The following CNTN5 variants were observed in gnomAD, a reference collection of about 807,000 sequenced individuals.
The protein encoded by CNTN5 is contactin 5, also known as contactin-5.
CNTN5 carries 77 observed loss-of-function variants against 129.1 expected under a neutral mutation model. The observed-to-expected ratio is 0.60, with a 90% CI of 0.50 to 0.72. The LOEUF (loss-of-function observed/expected upper bound fraction) is 0.72, where lower values mean the gene tolerates loss of function less well. Among genes scored for constraint, CNTN5 ranks in the 30% least tolerant of loss-of-function variants. The probability of loss-of-function intolerance (pLI) is 0.00; values close to 1 mark genes in which losing one functional copy is unlikely to be tolerated. For synonymous variants in CNTN5, 509 were observed against 465.6 expected (o/e 1.09, Z -1.20); for missense variants, 1,478 against 1,328.8 (o/e 1.11, Z -1.75).
intron 8 of CNTN5, among the ~76,000 whole-genome samples, chr11:99,957,658 C>T (rs1399134150): frequency 1.4e-5 from 2 of 142,590 alleles, no homozygotes; most frequent in Non-Finnish European, 3.2e-5. Flanking sequence ...GTAGTTTGCT[C>T]TGTCATGCAG....
chr11:99,693,919 C>T (rs1054399333), intron 3 of CNTN5, among the ~76,000 whole-genome samples: 4 of 151,798 alleles, frequency 2.6e-5, no homozygotes, highest in Non-Finnish European at 5.9e-5. Flanking sequence ...ATCTAAGATG[C>T]CTAAAAGGCC....
At chr11:99,733,652 A>G (rs1273639395) in intron 3 of CNTN5, among the ~76,000 whole-genome samples, 1 of 152,120 alleles carries the variant, frequency 6.6e-6, no homozygotes, top group African/African-American at 2.4e-5. Context: ...AAGGTGCTGT[A>G]GTTGTATTGA....
intron 4 of CNTN5, among the ~76,000 whole-genome samples, chr11:99,837,508 A>G (rs1260772782): frequency 1.3e-5 from 2 of 152,054 alleles, no homozygotes; most frequent in African/African-American, 2.4e-5. Flanking sequence ...GGAGAGGATA[A>G]AAGATTGTGC....
intron 2 of CNTN5, among the ~76,000 whole-genome samples, chr11:99,388,652 A>G (rs1288619031): frequency 6.6e-6 from 1 of 152,174 alleles, no homozygotes; most frequent in African/African-American, 2.4e-5. Context: ...CACATTGTAA[A>G]CATGTACTTA....
At chr11:100,292,392 A>G (rs1951008023) in intron 18 of CNTN5, among the ~76,000 whole-genome samples, 1 of 152,030 alleles carries the variant, frequency 6.6e-6, no homozygotes, top group Admixed American at 6.6e-5. Context: ...TATCTTCATG[A>G]CCACTTGGTT....
At chr11:100,089,556 G>A (rs1356313556) in intron 13 of CNTN5, among the ~76,000 whole-genome samples, 2 of 151,964 alleles carry the variant, frequency 1.3e-5, no homozygotes, top group Admixed American at 1.3e-4. Flanking sequence ...CCCATTACTG[G>A]GTGAATACCC....
At chr11:99,410,161 T>C (rs546690756) in intron 2 of CNTN5, among the ~76,000 whole-genome samples, 1 of 152,296 alleles carries the variant, frequency 6.6e-6, no homozygotes, top group Admixed American at 6.5e-5. Context: ...TAGTGGTGAA[T>C]TATAGGAAAA....
intron 3 of CNTN5, among the ~76,000 whole-genome samples, chr11:99,575,956 G>A (rs762930289): frequency 3.3e-5 from 5 of 152,154 alleles, no homozygotes; most frequent in Admixed American, 6.5e-5. Flanking sequence ...TAGAGAATCC[G>A]TACTTGGACA....
intron 13 of CNTN5, among the ~76,000 whole-genome samples, chr11:100,164,657 G>C (rs566509055): frequency 1.3e-5 from 2 of 151,734 alleles, no homozygotes; most frequent in South Asian, 4.1e-4. Flanking sequence ...TAACAGAAAA[G>C]ACATGGAATA....
chr11:100,260,423 G>A (rs946634670), intron 17 of CNTN5, among the ~76,000 whole-genome samples: 1 of 152,104 alleles, frequency 6.6e-6, no homozygotes, highest in African/African-American at 2.4e-5. Context: ...GAGAAAGAGG[G>A]ACTCCTCCCT....
intron 3 of CNTN5, among the ~76,000 whole-genome samples, chr11:99,679,615 C>A (rs529087390): frequency 6.6e-6 from 1 of 152,132 alleles, no homozygotes; most frequent in East Asian, 1.9e-4. Flanking sequence ...TTTTTCCTGT[C>A]CCTCTCCCTG....
At chr11:100,090,423 G>GCCTTCCTT (rs1486185274) in intron 13 of CNTN5, among the ~76,000 whole-genome samples, 7 of 144,412 alleles carry the variant, frequency 4.8e-5, no homozygotes, top group Admixed American at 4.8e-4. Flanking sequence ...TTTCTTTTCT[G>GCCTTCCTT]CCTGCCTGCC....
chr11:99,697,374 A>G (rs1954317765), intron 3 of CNTN5, among the ~76,000 whole-genome samples: 1 of 151,758 alleles, frequency 6.6e-6, no homozygotes, highest in African/African-American at 2.4e-5. Context: ...CATCATCAAC[A>G]GTGATAAATC....
chr11:100,309,261 A>G (rs1951419989), intron 21 of CNTN5: 1 of 984,334 alleles, frequency 1.0e-6, no homozygotes, highest in Non-Finnish European at 1.2e-6. Context: ...TTAAGAGAAA[A>G]TCATCTTGTG....
chr11:99,619,893 G>A (rs1391789397), intron 3 of CNTN5, among the ~76,000 whole-genome samples: 1 of 151,886 alleles, frequency 6.6e-6, no homozygotes, highest in Non-Finnish European at 1.5e-5. Flanking sequence ...GGGCATGGTG[G>A]CGGGCGCCTG....
rs1859624992 is a variant in CNTN5, at chr11:99,143,384, A to C, written c.-210+122114A>C. ...ATATTTTATAAAATTACATATATAA[A>C]ATATACTGTAAATATTAAATATATC... On this transcript the variant is annotated intron_variant, in intron 1 of 24. Coordinates refer to ENST00000524871, the MANE Select transcript of CNTN5 (RefSeq NM_014361.4). Among the ~76,000 whole-genome samples the C allele has an allele frequency of 3.4e-5, 5 of 148,500 alleles. No individual in the cohort carries two copies. In the Admixed American group the frequency reaches 3.4e-4, roughly 10 times the overall value.
chr11:99,061,263 T>C (rs1864863647), intron 1 of CNTN5, among the ~76,000 whole-genome samples: 1 of 152,130 alleles, frequency 6.6e-6, no homozygotes, highest in Non-Finnish European at 1.5e-5. Context: ...TATGAAAATT[T>C]GTTTCAAGAA....
At chr11:100,184,386 A>G (rs920496291) in intron 13 of CNTN5, among the ~76,000 whole-genome samples, 1 of 152,152 alleles carries the variant, frequency 6.6e-6, no homozygotes, top group Non-Finnish European at 1.5e-5. Context: ...GTCTTAATTA[A>G]TGATTAATTA....
At chr11:99,452,220 A>C (rs1006509141) in intron 2 of CNTN5, among the ~76,000 whole-genome samples, 2 of 152,054 alleles carry the variant, frequency 1.3e-5, no homozygotes, top group African/African-American at 4.8e-5. Flanking sequence ...TATACAATTG[A>C]AGTAATATAA....
Sources: gnomAD v4.1 joint callset for allele counts (sites outside exome capture counted in the v4.1 genomes callset) on GRCh38, gnomAD v4.1.1 for gene constraint, MANE v1.5 for transcripts, NCBI Gene and HGNC (gene_info 2026-07-23, HGNC 2026-07-21) for gene names.